Variants in DCHS2 observed in about 807,000 individuals in gnomAD.
The protein encoded by DCHS2 is protocadherin-23.
DCHS2 carries 142 observed loss-of-function variants against 182.4 expected under a neutral mutation model. The ratio of observed to expected loss-of-function variants is 0.78; its 90% CI spans 0.68 to 0.89. DCHS2 has a LOEUF of 0.89. Ranked by LOEUF, DCHS2 falls within the 40% of genes least tolerant of loss-of-function variation. The pLI, the probability that DCHS2 is intolerant of heterozygous loss-of-function variation, is 0.00. For missense variants in DCHS2, 4,319 were observed against 4,198.6 expected (o/e 1.03, Z -0.79); for synonymous variants, 1,740 against 1,663.3 (o/e 1.05, Z -1.12).
chr4:154,453,971 C>T (rs918478963), intron 1 of DCHS2, among the ~76,000 whole-genome samples: 1 of 152,094 alleles, frequency 6.6e-6, no homozygotes, highest in African/African-American at 2.4e-5. Context: ...GTGACAAATA[C>T]TAATATAGCT....
At chr4:154,312,832 T>C (rs1735717058) in intron 10 of DCHS2, among the ~76,000 whole-genome samples, 1 of 152,222 alleles carries the variant, frequency 6.6e-6, no homozygotes, top group Admixed American at 6.5e-5. Context: ...GTATACAGAA[T>C]GGCACCTTAT....
At position 154,259,637 on chromosome 4, in the gene DCHS2, G is replaced by T; in HGVS notation, c.6697C>A (p.Gln2233Lys). The T allele has an allele frequency of 6.2e-7, 1 of 1,613,896 alleles. No individual in the cohort carries two copies. The highest frequency in any genetic ancestry group is 8.5e-7 in the Non-Finnish European group (1 of 1,180,006). ...CATGGTGAATTATCATTCTCATCCT[G>T]TATCAAGACTGCTACTTTGCAATAG... ...RAYCKVAVLI[Q>K]DENDNSPCFE... Residue 2233 changes from glutamine to lysine, a missense_variant, in exon 15 of 20, where the codon CAG (glutamine) becomes AAG (lysine). Physicochemically the swap from Gln to Lys is moderately conservative, Grantham distance 53. Coordinates refer to ENST00000357232, the MANE Select transcript of DCHS2 (RefSeq NM_001358235.2).
At position 154,333,108 on chromosome 4, in the gene DCHS2, C is replaced by A. The variant is rs775544749; in HGVS notation, c.3100G>T (p.Val1034Leu). 2 of 1,613,892 alleles carry A rather than the reference C, an allele frequency of 1.2e-6. No homozygotes were observed. The highest frequency in any genetic ancestry group is 1.7e-6 in the Non-Finnish European group (2 of 1,180,008). ...GVFAIDRALG[V>L]LFLNGSLGAG... Reference sequence around the variant, plus strand: ...CCCAGGCTGCCGTTGAGGAACAGCACCCCCAGGGCTCTGTCGATGGCAAAG... The same window carrying A: ...CCCAGGCTGCCGTTGAGGAACAGCAACCCCAGGGCTCTGTCGATGGCAAAG... Residue 1034 changes from valine to leucine, a missense_variant, in exon 5 of 20, where the codon GTG becomes TTG. Transcript: ENST00000357232.
intron 1 of DCHS2, among the ~76,000 whole-genome samples, chr4:154,484,565 C>T (rs4696588): frequency 0.74 from 112,908 of 152,074 alleles, 42,461 homozygotes; most frequent in East Asian, 0.85. Flanking sequence ...TTCATACTTC[C>T]GATTATATTT....
At chr4:154,356,086 G>A (rs1482343886) in intron 3 of DCHS2, among the ~76,000 whole-genome samples, 10 of 152,142 alleles carry the variant, frequency 6.6e-5, no homozygotes, top group Non-Finnish European at 1.2e-4. Context: ...ACAGCTCCAT[G>A]TGTGTTACTG....
chr4:154,410,795 A>G (rs1732599732), intron 1 of DCHS2, among the ~76,000 whole-genome samples: 1 of 152,178 alleles, frequency 6.6e-6, no homozygotes, highest in Non-Finnish European at 1.5e-5. Flanking sequence ...AATAGATTCA[A>G]TAGTTCAAAG....
intron 1 of DCHS2, among the ~76,000 whole-genome samples, chr4:154,442,542 C>CA (rs1734080603): frequency 1.9e-5 from 1 of 52,478 alleles, no homozygotes; most frequent in African/African-American, 6.4e-5. Context: ...CCCCCCCCCC[C>CA]ACACACACAC....
At chr4:154,479,767 C>T (rs552389579) in intron 1 of DCHS2, among the ~76,000 whole-genome samples, 2 of 152,228 alleles carry the variant, frequency 1.3e-5, no homozygotes, top group Admixed American at 6.5e-5. Flanking sequence ...AGCAAATTAC[C>T]TCTAATACCG....
At chr4:154,405,852 C>T (rs1732378266) in intron 1 of DCHS2, among the ~76,000 whole-genome samples, 2 of 152,130 alleles carry the variant, frequency 1.3e-5, no homozygotes, top group African/African-American at 2.4e-5. Context: ...TAACATGTCT[C>T]GTAAGTTTTT....
At chr4:154,431,891 A>T (rs1733574501) in intron 1 of DCHS2, among the ~76,000 whole-genome samples, 1 of 152,300 alleles carries the variant, frequency 6.6e-6, no homozygotes, top group Non-Finnish European at 1.5e-5. Context: ...ATGAACATTT[A>T]AAAAATTTCT....
At chr4:154,412,377 CTT>C (rs1732668169) in intron 1 of DCHS2, among the ~76,000 whole-genome samples, 1 of 152,146 alleles carries the variant, frequency 6.6e-6, no homozygotes, top group African/African-American at 2.4e-5. Flanking sequence ...GAGTAATCCT[CTT>C]TTCAGTCTAG....
chr4:154,251,665 C>G (rs1420153838), intron 16 of DCHS2, among the ~76,000 whole-genome samples: 2 of 152,186 alleles, frequency 1.3e-5, no homozygotes, highest in East Asian at 3.9e-4. Flanking sequence ...ATTACAGGAG[C>G]CCGCCACCAT....
chr4:154,440,961 C>T (rs186693854), intron 1 of DCHS2, among the ~76,000 whole-genome samples: 78 of 152,310 alleles, frequency 5.1e-4, no homozygotes, highest in African/African-American at 1.8e-3. Context: ...GTGCAAAAGG[C>T]ATACACATAT....
chr4:154,457,853 GTGT>G (rs1011511272), intron 1 of DCHS2, among the ~76,000 whole-genome samples: 1 of 152,134 alleles, frequency 6.6e-6, no homozygotes, highest in African/African-American at 2.4e-5. Context: ...GAGTTCTCTG[GTGT>G]TGTTGATGCT....
chr4:154,328,658 T>C (rs1736391363), intron 6 of DCHS2, among the ~76,000 whole-genome samples: 3 of 152,202 alleles, frequency 2.0e-5, no homozygotes, highest in Admixed American at 2.0e-4. Flanking sequence ...GAAATGCACA[T>C]GTGAAGTTCA....
intron 13 of DCHS2, among the ~76,000 whole-genome samples, chr4:154,293,874 CA>C (rs1734786709): frequency 6.6e-6 from 1 of 152,212 alleles, no homozygotes; most frequent in Admixed American, 6.5e-5. Context: ...GGGGTCAACT[CA>C]CCACACCCTG....
chr4:154,371,082 G>C (rs1024086798), intron 2 of DCHS2, among the ~76,000 whole-genome samples: 2 of 152,104 alleles, frequency 1.3e-5, no homozygotes, highest in East Asian at 3.9e-4. Flanking sequence ...AGAGGCTCAG[G>C]GTGCTGGGTT....
At chr4:154,283,967 G>A (rs1280696994) in intron 13 of DCHS2, among the ~76,000 whole-genome samples, 1 of 152,128 alleles carries the variant, frequency 6.6e-6, no homozygotes, top group African/African-American at 2.4e-5. Context: ...AGAAAGAAAG[G>A]TTGCATAATT....
In DCHS2 at chr4:154,298,529, G is replaced by T. The variant is rs917957154; in HGVS notation, c.5785C>A (p.His1929Asn). The T allele has an allele frequency of 1.2e-6, 2 of 1,614,010 alleles. No homozygotes were observed. Among genetic ancestry groups the T allele is most frequent in the Non-Finnish European group, 1.7e-6 (2 of 1,180,004 alleles). Residue 1929 changes from histidine (H) to asparagine (N), a missense_variant, in exon 13 of 20, where the codon CAC (histidine) becomes AAC (asparagine). Coordinates refer to ENST00000357232, the MANE Select transcript of DCHS2 (RefSeq NM_001358235.2). Reference sequence around the variant, plus strand: ...TAAAGTGTGGGAAAAGAAGGACTGTGGTCATTGGCATCCAAAACTCTAACT... The same window carrying T: ...TAAAGTGTGGGAAAAGAAGGACTGTTGTCATTGGCATCCAAAACTCTAACT... ...LQVRVLDAND[H>N]SPSFPTLYYQ...
Sources: gnomAD v4.1 joint callset for allele counts (sites outside exome capture counted in the v4.1 genomes callset) on GRCh38, gnomAD v4.1.1 for gene constraint, MANE v1.5 for transcripts, NCBI Gene and HGNC (gene_info 2026-07-23, HGNC 2026-07-21) for gene names.